The following INPP4A variants were observed in gnomAD, a reference collection of about 807,000 sequenced individuals.
INPP4A encodes inositol polyphosphate-4-phosphatase type I A, also known as inositol polyphosphate-4-phosphatase, type I, 107kD.
INPP4A carries 33 observed loss-of-function variants against 119.8 expected under a neutral mutation model. That is an observed-to-expected ratio of 0.28 (90% CI 0.21 to 0.37). The LOEUF (loss-of-function observed/expected upper bound fraction) is 0.37. Ranked by LOEUF, INPP4A falls within the 10% of genes least tolerant of loss-of-function variation. The probability of loss-of-function intolerance (pLI) is 1.00; values close to 1 mark genes in which losing one functional copy is unlikely to be tolerated. For synonymous variants in INPP4A, 496 were observed against 500.7 expected, an observed-to-expected ratio of 0.99 and a Z score of 0.12; for missense variants, 956 against 1,289.9, an observed-to-expected ratio of 0.74 and a Z score of 3.97.
chr2:98,556,853 C>T (rs1694582000), intron 16 of INPP4A, among the ~76,000 whole-genome samples: 2 of 152,236 alleles, frequency 1.3e-5, no homozygotes, highest in Admixed American at 6.5e-5. Context: ...ACAGTTATCA[C>T]GTCACCCATC....
intron 10 of INPP4A, among the ~76,000 whole-genome samples, chr2:98,540,738 C>T (rs1460038325): frequency 2.0e-5 from 3 of 152,154 alleles, no homozygotes; most frequent in Non-Finnish European, 4.4e-5. Flanking sequence ...TTGTAATAAC[C>T]AACCCATTCC....
chr2:98,503,814 C>G (rs999036321), intron 1 of INPP4A, among the ~76,000 whole-genome samples: 1 of 152,224 alleles, frequency 6.6e-6, no homozygotes, highest in African/African-American at 2.4e-5. Context: ...CTCCTGTCTT[C>G]TGCCCTGGTC....
chr2:98,502,266 C>T (rs1437353404), intron 1 of INPP4A, among the ~76,000 whole-genome samples: 1 of 152,132 alleles, frequency 6.6e-6, no homozygotes, highest in Non-Finnish European at 1.5e-5. Context: ...TTTGCATGTA[C>T]AGAGGCAGGG....
In INPP4A at chr2:98,591,682, TC is replaced by T. The variant is rs1318288307; in HGVS notation, c.*4077del. On this transcript the variant is annotated 3_prime_UTR_variant, in exon 25 of 25. Transcript: ENST00000409851. Reference sequence around the variant, plus strand: ...TGGCTGCCCAGATCTAGGGGAGTTGTCCCAGGGAGGCTTTGCGCTGGAGGAA... The same window carrying T: ...TGGCTGCCCAGATCTAGGGGAGTTGTCCAGGGAGGCTTTGCGCTGGAGGAA... The T allele has an allele frequency of 6.6e-6, 1 of 152,232 alleles. No homozygotes were observed. Among genetic ancestry groups the T allele is most frequent in the Non-Finnish European group, 1.5e-5 (1 of 68,104 alleles). 9.4% of individuals were successfully genotyped at this position (152,232 alleles called of 1,614,324 possible). A position where few individuals can be genotyped will look rare whatever the true frequency, so the allele number is the denominator to read the frequency against.
chr2:98,527,120 A>G (rs531050378), intron 4 of INPP4A, among the ~76,000 whole-genome samples: 2 of 152,180 alleles, frequency 1.3e-5, no homozygotes, highest in Non-Finnish European at 1.5e-5. Flanking sequence ...CCCTGTTGCT[A>G]TCGTCCTCTC....
Position 98,565,664 on chromosome 2 carries a change from A to T in INPP4A, c.2177A>T (p.Asp726Val). 1 of 1,610,766 alleles carries T rather than the reference A, an allele frequency of 6.2e-7. No individual in the cohort carries two copies. The highest frequency in any genetic ancestry group is 8.5e-7 in the Non-Finnish European group (1 of 1,177,516). Residue 726 changes from aspartate (D) to valine (V), a missense_variant, in exon 20 of 25, where the codon GAC becomes GTC. By Grantham distance (152) the Asp-to-Val change is radical. This residue lies in a region of INPP4A where 304 missense variants were observed against 492.1 expected (regional missense o/e 0.62). Transcript: ENST00000409851. Reference sequence around the variant, plus strand: ...GGGGAGGAGCTGGCAATGCTGGAGGACATGAGCCTTGGGATCATGGACTTG... The same window carrying T: ...GGGGAGGAGCTGGCAATGCTGGAGGTCATGAGCCTTGGGATCATGGACTTG... ...TYGEELAMLE[D>V]MSLGIMDLRN...
intron 1 of INPP4A, among the ~76,000 whole-genome samples, chr2:98,465,967 C>G (rs1347934385): frequency 6.6e-6 from 1 of 152,142 alleles, no homozygotes; most frequent in Non-Finnish European, 1.5e-5. Flanking sequence ...GCTCCATCTG[C>G]CACAAGTCTC....
At chr2:98,575,523 G>T (rs1202623521) in intron 23 of INPP4A, among the ~76,000 whole-genome samples, 2 of 152,202 alleles carry the variant, frequency 1.3e-5, no homozygotes, top group East Asian at 3.8e-4. Context: ...TATCTGCTTA[G>T]GGCCTGTTAT....
chr2:98,525,084 A>G (rs1327965807), intron 4 of INPP4A, among the ~76,000 whole-genome samples: 1 of 152,112 alleles, frequency 6.6e-6, no homozygotes, highest in Non-Finnish European at 1.5e-5. Context: ...TTTCCTATCT[A>G]TTTCCTTGCT....
chr2:98,500,804 G>T (rs945257790), intron 1 of INPP4A, among the ~76,000 whole-genome samples: 2 of 152,180 alleles, frequency 1.3e-5, no homozygotes, highest in South Asian at 2.1e-4. Context: ...GGCTCAGCAG[G>T]GTTCTTTGCT....
rs13415417 is a variant in INPP4A, at chr2:98,458,852, C to T, written c.-166+13767C>T. On this transcript the variant is annotated intron_variant, in intron 1 of 24. Transcript: ENST00000409851. ...ACCTTAAGCGGGTAGGCAGCATCGGCGGATCATGGCAGGGAGAGAAGTACA... is the reference window on the plus strand; with the variant it reads ...ACCTTAAGCGGGTAGGCAGCATCGGTGGATCATGGCAGGGAGAGAAGTACA... Among the ~76,000 whole-genome samples the T allele has an allele frequency of 4.9e-3, 752 of 152,236 alleles. 7 individuals carry two copies. The highest frequency in any genetic ancestry group is 0.017 in the African/African-American group (708 of 41,532).
intron 16 of INPP4A, among the ~76,000 whole-genome samples, chr2:98,559,139 T>C (rs1695010221): frequency 6.6e-6 from 1 of 152,194 alleles, no homozygotes; most frequent in Admixed American, 6.5e-5. Flanking sequence ...ATGTGGGTGC[T>C]TTTTTCTGTG....
rs142283228 is a variant in INPP4A at position 98,534,739 on chromosome 2, G to C, written c.271-990G>C. On this transcript the variant is annotated intron_variant, in intron 5 of 24. Coordinates refer to ENST00000409851, the MANE Select transcript of INPP4A (RefSeq NM_001134225.2). ...GTGAGCCAGTGTAGGCTTCTGTGCA[G>C]GGGAGTCACCTGACCAGATGTCCTA... 2.6e-3 allele frequency among the ~76,000 whole-genome samples: 399 copies of C among 152,338 alleles called. 1 individual carries two copies. The highest frequency in any genetic ancestry group is 9.0e-3 in the African/African-American group (373 of 41,580).
At chr2:98,553,226 G>A (rs1378907988) in intron 14 of INPP4A, among the ~76,000 whole-genome samples, 1 of 151,890 alleles carries the variant, frequency 6.6e-6, no homozygotes, top group Non-Finnish European at 1.5e-5. Context: ...CCTTCAGCAA[G>A]TCCATGGGGC....
At chr2:98,509,396 C>T (rs560036927) in intron 1 of INPP4A, among the ~76,000 whole-genome samples, 6 of 152,286 alleles carry the variant, frequency 3.9e-5, no homozygotes, top group Admixed American at 6.5e-5. Flanking sequence ...ATCTGGGTTG[C>T]GTGCTCCTTA....
chr2:98,522,721 A>T lies in INPP4A; in HGVS notation c.151+1990A>T, dbSNP rs191387420. ...CCCATAACAAGGTGTATTGTGGTGA[A>T]ATTTCGGATCACAGGGAATAAAATG... On this transcript the variant is annotated intron_variant, in intron 4 of 24. Transcript: ENST00000409851. 5.9e-5 allele frequency among the ~76,000 whole-genome samples: 9 copies of T among 152,192 alleles called. No individual in the cohort carries two copies. In the East Asian group the frequency reaches 1.7e-3, roughly 29 times the overall value.
chr2:98,584,110 G>C (rs1362991303), intron 24 of INPP4A, among the ~76,000 whole-genome samples: 1 of 152,202 alleles, frequency 6.6e-6, no homozygotes, highest in Non-Finnish European at 1.5e-5. Flanking sequence ...TGTAAGCTGT[G>C]GCAGCATGAC....
chr2:98,540,469 G>T (rs1189754663), intron 10 of INPP4A, among the ~76,000 whole-genome samples: 1 of 152,216 alleles, frequency 6.6e-6, no homozygotes, highest in Non-Finnish European at 1.5e-5. Context: ...AGCCCAACAG[G>T]TGGCCCAGGC....
chr2:98,469,508 A>T (rs1257317336), intron 1 of INPP4A, among the ~76,000 whole-genome samples: 1 of 151,090 alleles, frequency 6.6e-6, no homozygotes, highest in East Asian at 1.9e-4. Context: ...TCAAAAAAAA[A>T]AAAAAGAACT....
Sources: gnomAD v4.1 joint callset for allele counts (sites outside exome capture counted in the v4.1 genomes callset) on GRCh38, gnomAD v4.1.1 for gene constraint, gnomAD v4.1.1 regional missense constraint, MANE v1.5 for transcripts, NCBI Gene and HGNC (gene_info 2026-07-23, HGNC 2026-07-21) for gene names.